The following CORO2B variants were observed in gnomAD, a reference collection of about 807,000 sequenced individuals.
The protein encoded by CORO2B is coronin 2B.
Under a neutral mutation model 58.8 loss-of-function variants are expected in CORO2B, and 26 were observed. That is an observed-to-expected ratio of 0.44 (90% CI 0.32 to 0.61). The LOEUF is 0.61. Among genes scored for constraint, CORO2B ranks in the 20% least tolerant of loss-of-function variants. CORO2B has a pLI of 0.04. For missense variants in CORO2B, 460 were observed against 645.1 expected, an observed-to-expected ratio of 0.71 and a Z score of 3.11; for synonymous variants, 242 against 253.8, an observed-to-expected ratio of 0.95 and a Z score of 0.44.
At position 68,645,579 on chromosome 15, in the gene CORO2B, T is replaced by A. The variant is rs2140273232; in HGVS notation, c.216+219T>A. 6.6e-6 allele frequency among the ~76,000 whole-genome samples: 1 copy of A among 152,224 alleles called. No individual in the cohort carries two copies. Among genetic ancestry groups the A allele is most frequent in the Middle Eastern group, 3.4e-3 (1 of 294 alleles). ...AGACCTGAGATCTCTTTCCAGAGCT[T>A]GCCTAAAGGTATGCACTTGGACAAG... On this transcript the variant is annotated intron_variant, in intron 2 of 11. Transcript: ENST00000261861. The surrounding 1 kb of genome is among the most constrained non-coding windows in gnomAD (Gnocchi z 4.5).
chr15:68,640,011 C>T (rs930024923), intron 1 of CORO2B, among the ~76,000 whole-genome samples: 3 of 152,298 alleles, frequency 2.0e-5, no homozygotes, highest in African/African-American at 2.4e-5. Flanking sequence ...GCACCTCCCC[C>T]GGTTACAGCC....
chr15:68,544,516 G>T, the CORO2B span, among the ~76,000 whole-genome samples: 2 of 152,210 alleles, frequency 1.3e-5, no homozygotes, highest in Non-Finnish European at 2.9e-5. Flanking sequence ...GGAGGATGCA[G>T]AGGATGGCCC....
the CORO2B span, among the ~76,000 whole-genome samples, chr15:68,531,378 T>G: frequency 6.6e-6 from 1 of 151,900 alleles, no homozygotes; most frequent in East Asian, 1.9e-4. Context: ...GTGCCTGTAA[T>G]CCCAGCTACT....
chr15:68,627,109 A>C (rs1900704881), intron 1 of CORO2B, among the ~76,000 whole-genome samples: 1 of 152,234 alleles, frequency 6.6e-6, no homozygotes. Context: ...TGTCAGATTC[A>C]TGAGGATAAT....
At chr15:68,657,517 C>CA (rs373642309) in intron 2 of CORO2B, among the ~76,000 whole-genome samples, 2,945 of 86,828 alleles carry the variant, frequency 0.034, 138 homozygotes, top group East Asian at 0.11. Flanking sequence ...GATCCTGTCT[C>CA]AAAAAAAAAA....
intron 1 of CORO2B, among the ~76,000 whole-genome samples, chr15:68,597,436 C>T (rs1394888580): frequency 6.6e-6 from 1 of 152,118 alleles, no homozygotes; most frequent in East Asian, 1.9e-4. Context: ...TACTGTTATG[C>T]CCATTCTGTG....
At chr15:68,697,473 G>C (rs1040273843) in intron 3 of CORO2B, among the ~76,000 whole-genome samples, 3 of 152,182 alleles carry the variant, frequency 2.0e-5, no homozygotes, top group Non-Finnish European at 1.5e-5. Flanking sequence ...TCACACGCTG[G>C]GGGTGAGGTC....
chr15:68,726,072 A>G lies in CORO2B; in HGVS notation c.*98A>G. 1 of 1,520,320 alleles carries G rather than the reference A, an allele frequency of 6.6e-7. No individual in the cohort carries two copies. The highest frequency in any genetic ancestry group is 1.2e-5 in the South Asian group (1 of 84,520). 94.2% of individuals were successfully genotyped at this position (1,520,320 alleles called of 1,614,324 possible). A position where few individuals can be genotyped will look rare whatever the true frequency, so the allele number is the denominator to read the frequency against. The stretch of plus-strand genomic sequence containing the variant: ...GTGACCCCAGAGACAGAGCCAGGAC[A>G]GGAGTGGGGGCCAGCCTGAGGACCC... On this transcript the variant is annotated 3_prime_UTR_variant, in exon 12 of 12. Transcript: ENST00000261861.
At chr15:68,592,410 G>C (rs1899729667) in intron 1 of CORO2B, among the ~76,000 whole-genome samples, 1 of 152,096 alleles carries the variant, frequency 6.6e-6, no homozygotes, top group Non-Finnish European at 1.5e-5. Flanking sequence ...CCAGTTTTTA[G>C]TGGTTACCTG....
At chr15:68,549,816 C>T in the CORO2B span, among the ~76,000 whole-genome samples, 1 of 152,120 alleles carries the variant, frequency 6.6e-6, no homozygotes, top group Non-Finnish European at 1.5e-5. Flanking sequence ...CGGCATGTGC[C>T]TGCAATCCTG....
Position 68,715,210 on chromosome 15 carries a change from C to A in CORO2B, c.871-5C>A. Reference sequence around the variant, plus strand: ...CTTCCTCAACTCCATCTCTCCTGACCCCAGGGTGATGGAAACATCCGGTAC... The same window carrying A: ...CTTCCTCAACTCCATCTCTCCTGACACCAGGGTGATGGAAACATCCGGTAC... On this transcript the variant is annotated splice_polypyrimidine_tract_variant and splice_region_variant and intron_variant, in intron 7 of 11. Coordinates refer to ENST00000261861, the MANE Select transcript of CORO2B (RefSeq NM_006091.5). 1 of 1,613,258 alleles carries A rather than the reference C, an allele frequency of 6.2e-7. No homozygotes were observed. The highest frequency in any genetic ancestry group is 2.2e-5 in the East Asian group (1 of 44,858).
chr15:68,623,251 C>A (rs966029216), intron 1 of CORO2B, among the ~76,000 whole-genome samples: 3 of 152,186 alleles, frequency 2.0e-5, no homozygotes, highest in Non-Finnish European at 4.4e-5. Flanking sequence ...AGCGAGGAAC[C>A]GGCCCGGCTC....
At chr15:68,623,827 C>T (rs1178145705) in intron 1 of CORO2B, among the ~76,000 whole-genome samples, 1 of 152,176 alleles carries the variant, frequency 6.6e-6, no homozygotes, top group African/African-American at 2.4e-5. Flanking sequence ...TGTGTTTGAG[C>T]AGCCCCAGCC....
intron 1 of CORO2B, among the ~76,000 whole-genome samples, chr15:68,643,374 C>G (rs1396698942): frequency 6.6e-6 from 1 of 152,084 alleles, no homozygotes; most frequent in African/African-American, 2.4e-5. Flanking sequence ...ACACAGTCAG[C>G]CTGGGGAGGG....
At chr15:68,631,380 A>G (rs913976492) in intron 1 of CORO2B, among the ~76,000 whole-genome samples, 2 of 152,196 alleles carry the variant, frequency 1.3e-5, no homozygotes, top group Non-Finnish European at 2.9e-5. Flanking sequence ...AGGGCTTGTT[A>G]TACATTTTGT....
chr15:68,571,152 G>A, the CORO2B span, among the ~76,000 whole-genome samples: 1 of 152,258 alleles, frequency 6.6e-6, no homozygotes, highest in Non-Finnish European at 1.5e-5. Context: ...ACATTTAAAT[G>A]AGTTTCTTTG....
chr15:68,566,265 G>T, the CORO2B span, among the ~76,000 whole-genome samples: 3 of 152,166 alleles, frequency 2.0e-5, no homozygotes, highest in African/African-American at 7.2e-5. Context: ...CCTGTGAGGT[G>T]GCTGCCGTCA....
chr15:68,708,357 C>CTTTTTTTTTTTTTT (rs921103212), intron 3 of CORO2B, among the ~76,000 whole-genome samples: 3 of 114,966 alleles, frequency 2.6e-5, no homozygotes, highest in Non-Finnish European at 5.5e-5. Context: ...TTTTTTTCTT[C>CTTTTTTTTTTTTTT]TTTTTTTTTT....
intron 2 of CORO2B, among the ~76,000 whole-genome samples, chr15:68,675,099 T>G (rs1480392472): frequency 2.6e-5 from 4 of 152,170 alleles, no homozygotes. Context: ...ACTACAGTAT[T>G]GTTCTCAGCT....
Sources: allele counts gnomAD v4.1 joint callset (sites outside exome capture counted in the v4.1 genomes callset), GRCh38; gene constraint gnomAD v4.1.1; non-coding constraint Gnocchi (gnomAD v3.1); transcripts MANE v1.5; gene names NCBI Gene and HGNC (gene_info 2026-07-23, HGNC 2026-07-21).